SORCS1: variants seen among roughly 807,000 people sequenced by gnomAD.
SORCS1 encodes the protein VPS10 domain-containing receptor SorCS1.
In SORCS1, 60 loss-of-function variants were observed where a neutral mutation model predicts 146.1. The ratio of observed to expected loss-of-function variants is 0.41; its 90% confidence interval spans 0.33 to 0.51. The LOEUF (loss-of-function observed/expected upper bound fraction) is 0.51. Among genes scored for constraint, SORCS1 ranks in the 20% least tolerant of loss-of-function variants. The probability of loss-of-function intolerance (pLI) is 0.21; values close to 1 mark genes in which losing one functional copy is unlikely to be tolerated. For missense variants in SORCS1, 1,352 were observed against 1,487.6 expected, an observed-to-expected ratio of 0.91 and a Z score of 1.50; for synonymous variants, 637 against 584.0, an observed-to-expected ratio of 1.09 and a Z score of -1.31.
At chr10:107,173,851 C>T in the SORCS1 span, among the ~76,000 whole-genome samples, 4 of 152,130 alleles carry the variant, frequency 2.6e-5, no homozygotes, top group African/African-American at 4.8e-5. Context: ...CAAGTGACTA[C>T]GTGTGTGTGA....
intron 18 of SORCS1, among the ~76,000 whole-genome samples, 166 bp from the exon 19 acceptor site, chr10:106,629,554 C>G (rs975934225): frequency 2.6e-5 from 4 of 152,236 alleles, no homozygotes; most frequent in African/African-American, 9.6e-5. Context: ...ATCCCTGTGA[C>G]ATTCCCTGGC....
chr10:106,963,240 C>T (rs1353057035), intron 1 of SORCS1, among the ~76,000 whole-genome samples: 1 of 150,724 alleles, frequency 6.6e-6, no homozygotes, highest in South Asian at 2.1e-4. Context: ...CTCAGCCTCC[C>T]AAGTAGCTGG....
chr10:107,154,476 T>C (rs1969112537), intron 1 of SORCS1, among the ~76,000 whole-genome samples: 1 of 152,196 alleles, frequency 6.6e-6, no homozygotes, highest in African/African-American at 2.4e-5. Flanking sequence ...ACTTCATTAT[T>C]CTACAACACA....
At chr10:106,877,837 A>C (rs1950649245) in intron 2 of SORCS1, among the ~76,000 whole-genome samples, 1 of 152,196 alleles carries the variant, frequency 6.6e-6, no homozygotes, top group Admixed American at 6.5e-5. Context: ...ACAAAAAAGC[A>C]GGCAGATTCT....
the SORCS1 span, among the ~76,000 whole-genome samples, chr10:107,172,441 T>C: frequency 1.3e-5 from 2 of 152,246 alleles, no homozygotes; most frequent in African/African-American, 4.8e-5. Flanking sequence ...TTTGGTTCTA[T>C]TGTTGTAGGT....
intron 1 of SORCS1, among the ~76,000 whole-genome samples, chr10:107,063,175 G>C (rs1191368506): frequency 2.0e-5 from 3 of 152,188 alleles, no homozygotes; most frequent in Admixed American, 2.0e-4. Context: ...AAATGGGTAT[G>C]GGTATGGGTA....
chr10:106,910,899 G>A (rs1397252314), intron 2 of SORCS1, among the ~76,000 whole-genome samples: 1 of 152,114 alleles, frequency 6.6e-6, no homozygotes, highest in African/African-American at 2.4e-5. Context: ...TGCTTAATGT[G>A]CATAAGTAGC....
intron 5 of SORCS1, among the ~76,000 whole-genome samples, chr10:106,734,932 G>A (rs879204432): frequency 1.3e-5 from 2 of 152,086 alleles, no homozygotes; most frequent in Admixed American, 6.5e-5. Context: ...GATCACCTGA[G>A]GTCAGGAGTT....
intron 1 of SORCS1, among the ~76,000 whole-genome samples, chr10:107,040,253 T>A (rs1431096262): frequency 6.6e-6 from 1 of 151,782 alleles, no homozygotes; most frequent in Non-Finnish European, 1.5e-5. Flanking sequence ...GGTTTTGGGG[T>A]TTTTTTAGTT....
intron 11 of SORCS1, 143 bp downstream of exon 11, chr10:106,679,489 G>A: frequency 1.1e-6 from 1 of 944,106 alleles, no homozygotes; most frequent in Non-Finnish European, 1.6e-6. Flanking sequence ...TGGTTTAGGT[G>A]CCTTTCAAAA....
chr10:106,965,447 G>A (rs1298313293), intron 1 of SORCS1, among the ~76,000 whole-genome samples: 1 of 152,138 alleles, frequency 6.6e-6, no homozygotes, highest in Non-Finnish European at 1.5e-5. Context: ...AAGAAAGAGT[G>A]GGGAATGGCT....
chr10:107,022,506 G>A (rs1435816359), intron 1 of SORCS1, among the ~76,000 whole-genome samples: 2 of 151,928 alleles, frequency 1.3e-5, no homozygotes, highest in African/African-American at 4.8e-5. Flanking sequence ...GATCCTTAAG[G>A]CAAGCTCCTT....
intron 1 of SORCS1, among the ~76,000 whole-genome samples, chr10:107,107,715 G>T (rs539654355): frequency 2.3e-4 from 35 of 152,290 alleles, no homozygotes; most frequent in African/African-American, 7.9e-4. Flanking sequence ...TATTCAGTAG[G>T]GCCATTTTGA....
At chr10:107,006,476 T>C (rs555775712) in intron 1 of SORCS1, among the ~76,000 whole-genome samples, 4 of 152,352 alleles carry the variant, frequency 2.6e-5, no homozygotes, top group East Asian at 3.9e-4. Flanking sequence ...GAACTGTTTC[T>C]TTCTGGAAGG....
At chr10:106,768,998 ACAGAG>A (rs1859784902) in intron 4 of SORCS1, among the ~76,000 whole-genome samples, 1 of 152,206 alleles carries the variant, frequency 6.6e-6, no homozygotes, top group Admixed American at 6.5e-5. Context: ...GTAGGACGTG[ACAGAG>A]CAGAGAGCTG....
intron 1 of SORCS1, among the ~76,000 whole-genome samples, chr10:107,013,592 T>C (rs895242818): frequency 1.1e-4 from 16 of 152,154 alleles, no homozygotes; most frequent in Non-Finnish European, 1.5e-5. Context: ...ATTTACACAT[T>C]GTAATTAAGC....
At position 106,671,956 on chromosome 10, in the gene SORCS1, A is replaced by G. The variant is rs564591621; in HGVS notation, c.2059-589T>C. ...TGTGCATCCCAAAGGAGAAAATATC[A>G]GCAATGTAAATGAACGATTCTATTG... On this transcript the variant is annotated intron_variant, in intron 15 of 25. Coordinates refer to ENST00000263054, the MANE Select transcript of SORCS1 (RefSeq NM_052918.5). 6.5e-4 allele frequency among the ~76,000 whole-genome samples: 99 copies of G among 152,338 alleles called. 2 individuals are homozygous for G. Among genetic ancestry groups the G allele is most frequent in the Admixed American group, 7.8e-4 (12 of 15,304 alleles).
At chr10:106,606,634 T>C (rs921257587) in intron 23 of SORCS1, among the ~76,000 whole-genome samples, 2 of 152,202 alleles carry the variant, frequency 1.3e-5, no homozygotes, top group Non-Finnish European at 2.9e-5. Context: ...TTCCACACTG[T>C]AAATAATTTA....
chr10:106,912,112 C>A (rs1421177360), intron 2 of SORCS1, among the ~76,000 whole-genome samples: 278 of 124,740 alleles, frequency 2.2e-3, no homozygotes, highest in Middle Eastern at 8.1e-3. Flanking sequence ...GCCTCCGTCT[C>A]AAAAAAAAAA....
Sources: gnomAD v4.1 joint callset for allele counts (sites outside exome capture counted in the v4.1 genomes callset) on GRCh38, gnomAD v4.1.1 for gene constraint, MANE v1.5 for transcripts, NCBI Gene and HGNC (gene_info 2026-07-23, HGNC 2026-07-21) for gene names.